The following FLRT1 variants were observed in gnomAD, a reference collection of about 807,000 sequenced individuals.
The protein encoded by FLRT1 is leucine-rich repeat transmembrane protein FLRT1.
Under a neutral mutation model 30.9 loss-of-function variants are expected in FLRT1, and 14 were observed. The ratio of observed to expected loss-of-function variants is 0.45; its 90% CI spans 0.30 to 0.71. The LOEUF is 0.71. Among genes scored for constraint, FLRT1 ranks in the 30% least tolerant of loss-of-function variants. The pLI, the probability that FLRT1 is intolerant of heterozygous loss-of-function variation, is 0.08. For missense variants in FLRT1, 737 were observed against 949.2 expected, an observed-to-expected ratio of 0.78 and a Z score of 2.94; for synonymous variants, 368 against 430.4, an observed-to-expected ratio of 0.85 and a Z score of 1.80.
intron 1 of FLRT1, among the ~76,000 whole-genome samples, chr11:64,098,774 G>A (rs1590905471): frequency 6.6e-6 from 1 of 152,210 alleles, no homozygotes; most frequent in Non-Finnish European, 1.5e-5. Flanking sequence ...CCACAGGGCA[G>A]CTCTTCCCAG....
intron 1 of FLRT1, among the ~76,000 whole-genome samples, chr11:64,063,973 G>A (rs1160626050): frequency 1.3e-5 from 2 of 152,190 alleles, no homozygotes; most frequent in African/African-American, 2.4e-5. Flanking sequence ...ACAATGAATC[G>A]CATCCGAGTG....
rs1943374650 is a variant in FLRT1 at position 64,036,080 on chromosome 11, G to C, written c.-1117G>C. The C allele has an allele frequency of 6.6e-6, 1 of 151,700 alleles. No homozygotes were observed. The highest frequency in any genetic ancestry group is 1.5e-5 in the Non-Finnish European group (1 of 67,914). 9.4% of individuals were successfully genotyped at this position (151,700 alleles called of 1,614,324 possible). ...CGCCCTCCGGCTCTGGTTCCCGCCC[G>C]CTCCTTGGAATAACCCCTGAGGCTC... On this transcript the variant is annotated 5_prime_UTR_variant, in exon 1 of 3. Transcript: ENST00000682287. The surrounding 1 kb of genome is among the most constrained non-coding windows in gnomAD (Gnocchi z 5.6).
intron 1 of FLRT1, among the ~76,000 whole-genome samples, chr11:64,076,778 G>A (rs544384158): frequency 4.3e-4 from 66 of 152,260 alleles, no homozygotes; most frequent in African/African-American, 1.5e-3. Flanking sequence ...GCTAGCTAAG[G>A]TGGGACCCAG....
chr11:64,110,772 G>A (rs897924488), intron 2 of FLRT1, among the ~76,000 whole-genome samples: 4 of 152,170 alleles, frequency 2.6e-5, no homozygotes, highest in Non-Finnish European at 5.9e-5. Context: ...TAAAAGATGG[G>A]CGATTTACCA....
intron 1 of FLRT1, among the ~76,000 whole-genome samples, chr11:64,042,475 G>A (rs1228765209): frequency 6.6e-6 from 1 of 152,202 alleles, no homozygotes; most frequent in African/African-American, 2.4e-5. Flanking sequence ...TGCTCCAATA[G>A]AGGAGGCCCT....
At chr11:64,109,837 C>T (rs940122324) in intron 2 of FLRT1, among the ~76,000 whole-genome samples, 6 of 152,212 alleles carry the variant, frequency 3.9e-5, no homozygotes, top group Admixed American at 2.6e-4. Flanking sequence ...ACCTCAGCTT[C>T]ACAGAGGCTG....
At chr11:64,081,357 C>T (rs1944300322) in intron 1 of FLRT1, among the ~76,000 whole-genome samples, 1 of 152,188 alleles carries the variant, frequency 6.6e-6, no homozygotes, top group Non-Finnish European at 1.5e-5. Flanking sequence ...ACCATGAACT[C>T]GCATATCCTG....
rs573973283 is a variant in FLRT1, at chr11:64,082,262, C to T, written c.-1037-20932C>T. 1.3e-5 allele frequency among the ~76,000 whole-genome samples: 2 copies of T among 152,030 alleles called. No homozygotes were observed. Among genetic ancestry groups the T allele is most frequent in the African/African-American group, 2.4e-5 (1 of 41,386 alleles). ...CCCTGCTTAGCAGAGGATGGCTGAG[C>T]CTGGGGGGTGGAGAAAATCTTGCCT... is the stretch of plus-strand genomic sequence containing the variant. On this transcript the variant is annotated intron_variant, in intron 1 of 2. Coordinates refer to ENST00000682287, the MANE Select transcript of FLRT1 (RefSeq NM_013280.5). This position sits in a 1 kb window ranked among gnomAD's most constrained non-coding sequence, Gnocchi z 4.5.
At position 64,117,674 on chromosome 11, in the gene FLRT1, G is replaced by A. The variant is rs758717381; in HGVS notation, c.1407G>A (p.Leu469=). ...CCTCCTCTTTCCGGCTCAGTTGGCT[G>A]CGCCTGGGCCACAGCCCAGCCGTGG... ...LPASSFRLSW[L]RLGHSPAVGS... Residue 469 remains leucine, a synonymous_variant, in exon 3 of 3, where the codon CTG becomes CTA. Coordinates refer to ENST00000682287, the MANE Select transcript of FLRT1 (RefSeq NM_013280.5). 2.5e-6 allele frequency: 4 copies of A among 1,613,668 alleles called. No individual in the cohort carries two copies. Among genetic ancestry groups the A allele is most frequent in the Admixed American group, 3.3e-5 (2 of 60,032 alleles).
chr11:64,056,007 C>T (rs1943779066), intron 1 of FLRT1, among the ~76,000 whole-genome samples: 1 of 152,210 alleles, frequency 6.6e-6, no homozygotes, highest in South Asian at 2.1e-4. Flanking sequence ...GGCCTCAGGC[C>T]TCCTGTCCAC....
intron 2 of FLRT1, among the ~76,000 whole-genome samples, chr11:64,107,483 C>T (rs1366439117): frequency 6.6e-6 from 1 of 152,238 alleles, no homozygotes; most frequent in Non-Finnish European, 1.5e-5. Context: ...CCGCCTGGCA[C>T]CAGCGCCACC....
intron 1 of FLRT1, among the ~76,000 whole-genome samples, chr11:64,053,217 G>A (rs957515516): frequency 6.6e-6 from 1 of 152,160 alleles, no homozygotes; most frequent in Non-Finnish European, 1.5e-5. Flanking sequence ...AGGGTGGGGT[G>A]AGGCTCCCCT....
intron 1 of FLRT1, among the ~76,000 whole-genome samples, chr11:64,039,571 G>A (rs1353797806): frequency 6.6e-6 from 1 of 152,194 alleles, no homozygotes; most frequent in East Asian, 1.9e-4. Flanking sequence ...GGATGGCCGG[G>A]AGGAGACGGG....
At chr11:64,044,336 C>G (rs11825767) in intron 1 of FLRT1, among the ~76,000 whole-genome samples, 1 of 151,210 alleles carries the variant, frequency 6.6e-6, no homozygotes, top group Non-Finnish European at 1.5e-5. Flanking sequence ...ACTGCAGCCT[C>G]TAACTTTTGG....
chr11:64,045,854 A>C (rs577485941), intron 1 of FLRT1, among the ~76,000 whole-genome samples: 3 of 152,294 alleles, frequency 2.0e-5, no homozygotes, highest in Non-Finnish European at 2.9e-5. Flanking sequence ...TGGGAGGCTG[A>C]GGCAGGAGGA....
intron 1 of FLRT1, among the ~76,000 whole-genome samples, chr11:64,072,008 G>A (rs867770307): frequency 6.6e-6 from 1 of 152,236 alleles, no homozygotes; most frequent in East Asian, 1.9e-4. Context: ...CCAGCAGGTC[G>A]ATAGCAAAAC....
At chr11:64,105,927 A>T (rs1944754962) in intron 2 of FLRT1, among the ~76,000 whole-genome samples, 3 of 120,330 alleles carry the variant, frequency 2.5e-5, no homozygotes, top group Admixed American at 1.2e-4. Flanking sequence ...TTATCTCATG[A>T]TTCCAGGGTC....
At chr11:64,062,211 T>A (rs910326905) in intron 1 of FLRT1, among the ~76,000 whole-genome samples, 8 of 152,062 alleles carry the variant, frequency 5.3e-5, no homozygotes, top group Non-Finnish European at 1.2e-4. Flanking sequence ...CTATGAGGGT[T>A]CCACCTCCCC....
chr11:64,081,388 G>A (rs949199606), intron 1 of FLRT1, among the ~76,000 whole-genome samples: 5 of 152,162 alleles, frequency 3.3e-5, no homozygotes, highest in South Asian at 4.1e-4. Context: ...AGTGCTGGGC[G>A]TGCTCAGGGA....
Sources: allele counts gnomAD v4.1 joint callset (sites outside exome capture counted in the v4.1 genomes callset), GRCh38; gene constraint gnomAD v4.1.1; non-coding constraint Gnocchi (gnomAD v3.1); transcripts MANE v1.5; gene names NCBI Gene and HGNC (gene_info 2026-07-23, HGNC 2026-07-21).